PDGFD: variants seen among roughly 807,000 people sequenced by gnomAD.
PDGFD encodes platelet derived growth factor D, also known as platelet-derived growth factor D.
A neutral mutation model predicts 44.7 loss-of-function variants in PDGFD; 30 were observed. The ratio of observed to expected loss-of-function variants is 0.67; its 90% CI spans 0.50 to 0.91. The LOEUF (loss-of-function observed/expected upper bound fraction) is 0.91, where lower values mean the gene tolerates loss of function less well. Ranked by LOEUF, PDGFD falls within the 40% of genes least tolerant of loss-of-function variation. The pLI is 0.00. For missense variants in PDGFD, 445 were observed against 457.8 expected (o/e 0.97, Z 0.25); for synonymous variants, 173 against 168.4 (o/e 1.03, Z -0.21).
In PDGFD at chr11:104,056,010, C is replaced by T. The variant is rs139139496; in HGVS notation, c.125-55755G>A. Among the ~76,000 whole-genome samples, 690 of 152,226 alleles carry T rather than the reference C, an allele frequency of 4.5e-3. 2 individuals are homozygous for T. Among genetic ancestry groups the T allele is most frequent in the Non-Finnish European group, 5.4e-3 (370 of 68,016 alleles). ...ATCAGAGCCAGAATATTCACCCCTA[C>T]CTCAAAGTTAAGTTTCTAATATGAT... On this transcript the variant is annotated intron_variant, in intron 1 of 6. Transcript: ENST00000393158.
chr11:103,980,042 A>G (rs976658138), intron 3 of PDGFD, among the ~76,000 whole-genome samples: 1 of 152,116 alleles, frequency 6.6e-6, no homozygotes, highest in Non-Finnish European at 1.5e-5. Context: ...TTAACTAATT[A>G]AAATCCACTT....
chr11:103,941,251 T>C (rs1858579561), intron 5 of PDGFD, among the ~76,000 whole-genome samples: 1 of 152,030 alleles, frequency 6.6e-6, no homozygotes, highest in Non-Finnish European at 1.5e-5. Context: ...CCCTCAGGTA[T>C]TAAATATTCA....
At chr11:103,973,793 T>C (rs993920363) in intron 3 of PDGFD, among the ~76,000 whole-genome samples, 2 of 152,166 alleles carry the variant, frequency 1.3e-5, no homozygotes, top group African/African-American at 4.8e-5. Context: ...AAATATGTTA[T>C]GCTCAGGGTG....
chr11:104,101,566 G>GA (rs1255561457), intron 1 of PDGFD, among the ~76,000 whole-genome samples: 3 of 152,002 alleles, frequency 2.0e-5, no homozygotes, highest in African/African-American at 7.3e-5. Context: ...CACAGAATTG[G>GA]AAAAAACTAC....
chr11:104,036,010 A>T (rs974021239), intron 1 of PDGFD, among the ~76,000 whole-genome samples: 3 of 152,196 alleles, frequency 2.0e-5, no homozygotes, highest in African/African-American at 4.8e-5. Flanking sequence ...GCAGGCTCCA[A>T]ATCTGACTTT....
chr11:104,029,523 T>C (rs929311554), intron 1 of PDGFD, among the ~76,000 whole-genome samples: 1 of 152,260 alleles, frequency 6.6e-6, no homozygotes, highest in Non-Finnish European at 1.5e-5. Context: ...AAACATTACC[T>C]ATCATGTACA....
chr11:104,087,195 A>AT lies in PDGFD; in HGVS notation c.124+76608dup, dbSNP rs33989914. On this transcript the variant is annotated intron_variant, in intron 1 of 6. Coordinates refer to ENST00000393158, the MANE Select transcript of PDGFD (RefSeq NM_025208.5). ...AGGTGCAGGCCACCACAACTGGCTAATTTTTTTTTTTTTTTTTGAGACAGA... is the reference window on the plus strand; with the variant it reads ...AGGTGCAGGCCACCACAACTGGCTAATTTTTTTTTTTTTTTTTTGAGACAGA... Among the ~76,000 whole-genome samples, 969 of 129,050 alleles carry AT rather than the reference A, an allele frequency of 7.5e-3. 28 individuals carry two copies. The highest frequency in any genetic ancestry group is 0.019 in the African/African-American group (658 of 33,842). 84.7% of individuals were successfully genotyped at this position (129,050 alleles called of 152,430 possible). A position where few individuals can be genotyped will look rare whatever the true frequency, so the allele number is the denominator to read the frequency against.
intron 1 of PDGFD, among the ~76,000 whole-genome samples, chr11:104,155,794 A>G (rs1171338887): frequency 6.6e-6 from 1 of 152,204 alleles, no homozygotes; most frequent in East Asian, 1.9e-4. Flanking sequence ...TACATTGCTT[A>G]TTAAATGTTT....
At chr11:104,152,005 G>T (rs2119908128) in intron 1 of PDGFD, among the ~76,000 whole-genome samples, 1 of 152,062 alleles carries the variant, frequency 6.6e-6, no homozygotes, top group Non-Finnish European at 1.5e-5. Flanking sequence ...ATTCACATAT[G>T]TGTTTTCTCT....
intron 6 of PDGFD, among the ~76,000 whole-genome samples, chr11:103,914,732 CA>C (rs1268587339): frequency 2.1e-4 from 32 of 152,128 alleles, no homozygotes; most frequent in African/African-American, 7.7e-4. Flanking sequence ...AGCAGCACAT[CA>C]AAAAGCTTAT....
intron 6 of PDGFD, among the ~76,000 whole-genome samples, chr11:103,924,698 A>G (rs1011516228): frequency 6.6e-6 from 1 of 152,200 alleles, no homozygotes; most frequent in African/African-American, 2.4e-5. Flanking sequence ...TGTTTTCAGA[A>G]TAGAAATCAA....
chr11:104,019,409 C>A (rs183984878), intron 1 of PDGFD, among the ~76,000 whole-genome samples: 5 of 152,168 alleles, frequency 3.3e-5, no homozygotes, highest in African/African-American at 4.8e-5. Context: ...ATAAATTATT[C>A]AAGGATAATA....
intron 6 of PDGFD, among the ~76,000 whole-genome samples, chr11:103,922,870 G>T (rs1858247029): frequency 6.6e-6 from 1 of 151,982 alleles, no homozygotes. Context: ...ATGAGCCACT[G>T]CTCCTGGCCT....
At chr11:104,035,064 G>A (rs978515149) in intron 1 of PDGFD, among the ~76,000 whole-genome samples, 5 of 152,274 alleles carry the variant, frequency 3.3e-5, no homozygotes, top group Admixed American at 2.6e-4. Context: ...GTAAGTGGGG[G>A]TGGGGGAGAG....
intron 1 of PDGFD, among the ~76,000 whole-genome samples, chr11:104,022,956 T>C (rs941136224): frequency 1.3e-5 from 2 of 152,074 alleles, no homozygotes; most frequent in African/African-American, 4.8e-5. Flanking sequence ...CACTTCTAGA[T>C]AGTGAAAAAT....
At chr11:104,035,173 G>A (rs1185569929) in intron 1 of PDGFD, among the ~76,000 whole-genome samples, 1 of 152,022 alleles carries the variant, frequency 6.6e-6, no homozygotes, top group African/African-American at 2.4e-5. Context: ...TGTCAAATGG[G>A]TCACCTCAAA....
Position 104,014,939 on chromosome 11 carries a change from A to G in PDGFD, c.125-14684T>C, listed in dbSNP as rs779799707. On this transcript the variant is annotated intron_variant, in intron 1 of 6. Transcript: ENST00000393158. Reference sequence around the variant, plus strand: ...TTTTACAGAGTGCCTGTTGGGAATTAGGAGCTGCATTTAGATGGTGAATAA... The same window carrying G: ...TTTTACAGAGTGCCTGTTGGGAATTGGGAGCTGCATTTAGATGGTGAATAA... Among the ~76,000 whole-genome samples the G allele has an allele frequency of 8.5e-4, 130 of 152,366 alleles. 2 individuals are homozygous for G. Among genetic ancestry groups the G allele is most frequent in the Middle Eastern group, 3.4e-3 (1 of 294 alleles).
Position 103,947,678 on chromosome 11 carries a change from ACAGAT to A in PDGFD, c.552_556del (p.Glu184AspfsTer11). On this transcript the variant is annotated frameshift_variant, in exon 4 of 7. Coordinates refer to ENST00000393158, the MANE Select transcript of PDGFD (RefSeq NM_025208.5). LOFTEE classifies it high-confidence loss of function. ...ATTACTTACTGAAATAGAGCTTGTG[ACAGAT>A]TCCCAGTTGGTCTCTGAAGCTGCTG... 6.2e-7 allele frequency: 1 copy of A among 1,613,416 alleles called. No individual in the cohort carries two copies. The highest frequency in any genetic ancestry group is 8.5e-7 in the Non-Finnish European group (1 of 1,179,472).
intron 1 of PDGFD, among the ~76,000 whole-genome samples, chr11:104,033,764 GTT>G (rs1231797603): frequency 6.6e-6 from 1 of 152,138 alleles, no homozygotes; most frequent in African/African-American, 2.4e-5. Context: ...AGTCTTACTG[GTT>G]TCTCAATCTG....
Sources: gnomAD v4.1 joint callset for allele counts (sites outside exome capture counted in the v4.1 genomes callset) on GRCh38, gnomAD v4.1.1 for gene constraint, MANE v1.5 for transcripts, NCBI Gene and HGNC (gene_info 2026-07-23, HGNC 2026-07-21) for gene names.